The following TRAPPC9 variants were observed in gnomAD, a reference collection of about 807,000 sequenced individuals.
TRAPPC9 encodes the protein trafficking protein particle complex subunit 9.
Under a neutral mutation model 124.0 loss-of-function variants are expected in TRAPPC9, and 83 were observed. The observed-to-expected ratio is 0.67, with a 90% CI of 0.56 to 0.80. The LOEUF (loss-of-function observed/expected upper bound fraction) is 0.80, where lower values mean the gene tolerates loss of function less well. Among genes scored for constraint, TRAPPC9 ranks in the 30% least tolerant of loss-of-function variants. The pLI, the probability that TRAPPC9 is intolerant of heterozygous loss-of-function variation, is 0.00. For missense variants in TRAPPC9, 1,302 were observed against 1,508.3 expected (o/e 0.86, Z 2.27); for synonymous variants, 638 against 617.5 (o/e 1.03, Z -0.49).
At chr8:140,164,981 G>A (rs1026106167) in intron 17 of TRAPPC9, among the ~76,000 whole-genome samples, 12 of 152,164 alleles carry the variant, frequency 7.9e-5, no homozygotes, top group Admixed American at 2.0e-4. Context: ...GGCCTTGCTC[G>A]TAATAAGGTA....
chr8:140,073,182 C>A (rs1000136711), intron 17 of TRAPPC9, among the ~76,000 whole-genome samples: 4 of 152,196 alleles, frequency 2.6e-5, no homozygotes, highest in African/African-American at 9.7e-5. Flanking sequence ...CCTAACAATT[C>A]TACCCCTTAA....
rs549269952 is a variant in TRAPPC9 at position 139,960,021 on chromosome 8, GCAGA to G, written c.2810+28701_2810+28704del. ...CTGAGCACCTGTGTCAGATGCTTGAGCAGACACTTTATAGAGAACAGCTCATGTA... is the reference window on the plus strand; with the variant it reads ...CTGAGCACCTGTGTCAGATGCTTGAGCACTTTATAGAGAACAGCTCATGTA... On this transcript the variant is annotated intron_variant, in intron 19 of 22. Transcript: ENST00000438773. Among the ~76,000 whole-genome samples, 35 of 152,338 alleles carry G rather than the reference GCAGA, an allele frequency of 2.3e-4. No individual in the cohort carries two copies. In the East Asian group the frequency reaches 2.7e-3, roughly 12 times the overall value.
chr8:140,194,607 G>A (rs935061048), intron 17 of TRAPPC9, among the ~76,000 whole-genome samples: 1 of 152,072 alleles, frequency 6.6e-6, no homozygotes, highest in African/African-American at 2.4e-5. Context: ...AATACACTAG[G>A]CACATTCTGT....
At chr8:140,043,039 C>T (rs551420211) in intron 17 of TRAPPC9, among the ~76,000 whole-genome samples, 24 of 152,288 alleles carry the variant, frequency 1.6e-4, no homozygotes, top group South Asian at 4.1e-4. Flanking sequence ...CAGGGCCCAC[C>T]GGTCCTGTCT....
intron 19 of TRAPPC9, among the ~76,000 whole-genome samples, chr8:139,964,224 C>CCAA (rs1491481364): frequency 3.0e-5 from 2 of 67,668 alleles, no homozygotes; most frequent in African/African-American, 5.4e-5. Context: ...GACTCTGTCT[C>CCAA]AAAAAAAAAA....
At chr8:140,272,116 A>AATGATGATGGTGATGGTGGCGATGGTG (rs1554657918) in intron 15 of TRAPPC9, among the ~76,000 whole-genome samples, 3 of 120,118 alleles carry the variant, frequency 2.5e-5, no homozygotes, top group Non-Finnish European at 5.2e-5. Context: ...TGGTGGTGGC[A>AATGATGATGGTGATGGTGGCGATGGTG]ATGGTGATGG....
At chr8:140,329,407 C>A (rs2066834738) in intron 9 of TRAPPC9, among the ~76,000 whole-genome samples, 1 of 152,184 alleles carries the variant, frequency 6.6e-6, no homozygotes, top group African/African-American at 2.4e-5. Context: ...CAGGAGCAGA[C>A]AAAGCGATGG....
intron 21 of TRAPPC9, among the ~76,000 whole-genome samples, chr8:139,753,493 C>T (rs1383791523): frequency 6.6e-6 from 1 of 152,186 alleles, no homozygotes; most frequent in African/African-American, 2.4e-5. Context: ...TGCGTTTTAC[C>T]GTTTTACTGA....
chr8:140,177,578 ACATACGT>A (rs1220765543), intron 17 of TRAPPC9, among the ~76,000 whole-genome samples: 1 of 152,164 alleles, frequency 6.6e-6, no homozygotes, highest in Non-Finnish European at 1.5e-5. Flanking sequence ...TTTAGTTCCT[ACATACGT>A]CATACAAACT....
At chr8:139,858,062 G>A (rs1242321606) in intron 21 of TRAPPC9, among the ~76,000 whole-genome samples, 4 of 152,258 alleles carry the variant, frequency 2.6e-5, no homozygotes, top group African/African-American at 9.6e-5. Context: ...CTGCTCAGAA[G>A]TGGGACCAAA....
intron 9 of TRAPPC9, among the ~76,000 whole-genome samples, chr8:140,356,857 G>A (rs1185630101): frequency 1.3e-5 from 2 of 152,034 alleles, no homozygotes; most frequent in Non-Finnish European, 2.9e-5. Flanking sequence ...TGATCCGCCC[G>A]TCTCACCCTC....
intron 19 of TRAPPC9, among the ~76,000 whole-genome samples, chr8:139,913,729 C>A (rs1363181055): frequency 1.3e-5 from 2 of 152,172 alleles, no homozygotes; most frequent in Non-Finnish European, 2.9e-5. Flanking sequence ...AACTGGGGTA[C>A]CAAGAAATCG....
chr8:140,432,839 T>G (rs2070693513), intron 4 of TRAPPC9, among the ~76,000 whole-genome samples: 1 of 150,910 alleles, frequency 6.6e-6, no homozygotes, highest in South Asian at 2.1e-4. Flanking sequence ...GCCACTGCAC[T>G]CCAGCCTGGG....
intron 17 of TRAPPC9, among the ~76,000 whole-genome samples, chr8:140,046,770 C>T (rs375602907): frequency 6.6e-6 from 1 of 152,086 alleles, no homozygotes; most frequent in South Asian, 2.1e-4. Flanking sequence ...TTTATAATTG[C>T]CCTAAATTAT....
chr8:140,316,375 ATTTGTTTC>A (rs2066443745), intron 9 of TRAPPC9, among the ~76,000 whole-genome samples: 2 of 152,168 alleles, frequency 1.3e-5, no homozygotes, highest in Non-Finnish European at 2.9e-5. Context: ...TTTAGAACAT[ATTTGTTTC>A]ATTCTACCTG....
chr8:140,115,357 T>C (rs1304855994), intron 17 of TRAPPC9, among the ~76,000 whole-genome samples: 1 of 151,286 alleles, frequency 6.6e-6, no homozygotes, highest in Non-Finnish European at 1.5e-5. Flanking sequence ...AACCTCTGCC[T>C]CCCAGGTTCA....
At chr8:140,125,235 C>T (rs2061067628) in intron 17 of TRAPPC9, among the ~76,000 whole-genome samples, 1 of 152,142 alleles carries the variant, frequency 6.6e-6, no homozygotes, top group Non-Finnish European at 1.5e-5. Flanking sequence ...AGGTAACTGG[C>T]CCAGGGGCAC....
intron 17 of TRAPPC9, among the ~76,000 whole-genome samples, chr8:140,045,868 GTAAC>G (rs1338107971): frequency 6.6e-6 from 1 of 151,936 alleles, no homozygotes; most frequent in Non-Finnish European, 1.5e-5. Context: ...ACCATTTTAT[GTAAC>G]TAAGAAAAAC....
chr8:140,260,623 A>T (rs779699931), intron 15 of TRAPPC9, among the ~76,000 whole-genome samples: 3 of 152,230 alleles, frequency 2.0e-5, no homozygotes, highest in Non-Finnish European at 4.4e-5. Flanking sequence ...CTCTGGAGGA[A>T]GGAGGAAGGA....
Sources: allele counts gnomAD v4.1 joint callset (sites outside exome capture counted in the v4.1 genomes callset), GRCh38; gene constraint gnomAD v4.1.1; transcripts MANE v1.5; gene names NCBI Gene and HGNC (gene_info 2026-07-23, HGNC 2026-07-21).